Variants in PEX13 observed in about 807,000 individuals in gnomAD.
The protein encoded by PEX13 is peroxisome biogenesis factor 13.
In PEX13, 28 loss-of-function variants were observed where a neutral mutation model predicts 34.5. That is an observed-to-expected ratio of 0.81 (90% CI 0.60 to 1.11). The LOEUF (loss-of-function observed/expected upper bound fraction) is 1.11. Ranked by LOEUF, PEX13 falls within the 50% of genes most tolerant of loss-of-function variation. PEX13 has a pLI of 0.00. For missense variants in PEX13, 550 were observed against 491.0 expected (o/e 1.12, Z -1.13); for synonymous variants, 177 against 175.1 (o/e 1.01, Z -0.09).
At chr2:61,046,130 C>T (rs1024584225) in intron 3 of PEX13, among the ~76,000 whole-genome samples, 5 of 152,116 alleles carry the variant, frequency 3.3e-5, no homozygotes, top group Admixed American at 1.3e-4. Flanking sequence ...TGTTAATCCC[C>T]ACACAAAAAC....
In PEX13 at chr2:61,021,082, C is replaced by T. The variant is rs534570467; in HGVS notation, c.92+3231C>T. ...ATGTGGGAATAGGAACAGCTCTGGT[C>T]TGCAGCTCCCAGCGTGATTGACGCA... On this transcript the variant is annotated intron_variant, in intron 1 of 3. Coordinates refer to ENST00000295030, the MANE Select transcript of PEX13 (RefSeq NM_002618.4). Among the ~76,000 whole-genome samples, 9 of 152,310 alleles carry T rather than the reference C, an allele frequency of 5.9e-5. No individual in the cohort carries two copies. The South Asian group carries it at 6.2e-4, about 11-fold the overall frequency.
intron 1 of PEX13, among the ~76,000 whole-genome samples, chr2:61,026,823 C>G (rs1290693464): frequency 6.6e-6 from 1 of 151,720 alleles, no homozygotes; most frequent in Non-Finnish European, 1.5e-5. Flanking sequence ...GGGTTTTATA[C>G]TTGCTGATTT....
Position 61,032,057 on chromosome 2 carries a change from T to C in PEX13, c.731T>C (p.Leu244Pro). The part of the protein sequence containing the change: ...WPIFLFFAVI[L>P]GGPYLIWKLL... ...ATATTCTTGTTCTTTGCTGTTATCC[T>C]TGGTGGTCCTTACCTCATTTGGAAA... The change falls in exon 2 of 4, where the codon CTT becomes CCT. Residue 244 changes from leucine to proline, a missense_variant. Transcript: ENST00000295030. 1 of 1,613,748 alleles carries C rather than the reference T, an allele frequency of 6.2e-7. No homozygotes were observed. Among genetic ancestry groups the C allele is most frequent in the Non-Finnish European group, 8.5e-7 (1 of 1,179,886 alleles).
chr2:61,023,732 CTTTTTT>C (rs375431867), intron 1 of PEX13, among the ~76,000 whole-genome samples: 3 of 130,204 alleles, frequency 2.3e-5, no homozygotes, highest in Admixed American at 1.5e-4. Context: ...TTCCTGACTT[CTTTTTT>C]TTTTTTTTTT....
chr2:61,043,237 C>A (rs1680654292), intron 2 of PEX13, among the ~76,000 whole-genome samples: 1 of 151,040 alleles, frequency 6.6e-6, no homozygotes, highest in Non-Finnish European at 1.5e-5. Context: ...TGGCTCATGC[C>A]TGTAATCCTG....
intron 1 of PEX13, among the ~76,000 whole-genome samples, chr2:61,019,539 C>A (rs375651540): frequency 1.3e-5 from 2 of 152,028 alleles, no homozygotes; most frequent in African/African-American, 4.8e-5. Context: ...TTTAAATCTT[C>A]CGGTTTTTTC....
chr2:61,020,108 C>A (rs1486056941), intron 1 of PEX13, among the ~76,000 whole-genome samples: 1 of 152,126 alleles, frequency 6.6e-6, no homozygotes, highest in Non-Finnish European at 1.5e-5. Context: ...CACCTGTAGT[C>A]CCAGCTAATC....
intron 3 of PEX13, among the ~76,000 whole-genome samples, chr2:61,047,508 G>A (rs1559046389): frequency 6.6e-6 from 1 of 152,270 alleles, no homozygotes; most frequent in African/African-American, 2.4e-5. Context: ...GATTTCAAAC[G>A]AATGATTTTT....
At chr2:61,042,805 G>C (rs985531517) in intron 2 of PEX13, among the ~76,000 whole-genome samples, 1 of 152,200 alleles carries the variant, frequency 6.6e-6, no homozygotes, top group Non-Finnish European at 1.5e-5. Flanking sequence ...ACTTGTTTAA[G>C]ATTATTAGCT....
At chr2:61,018,325 C>G in intron 1 of PEX13, 1 of 1,534,912 alleles carries the variant, frequency 6.5e-7, no homozygotes, top group Non-Finnish European at 8.8e-7. Context: ...GAACTCAAGC[C>G]CCGTACACTT....
chr2:61,017,772 C>G lies in PEX13; in HGVS notation c.13C>G (p.Pro5Ala). The G allele has an allele frequency of 6.5e-7, 1 of 1,549,516 alleles. No homozygotes were observed. The highest frequency in any genetic ancestry group is 1.2e-5 in the South Asian group (1 of 83,894). ...GGAGGCGGAGGAGATGGCGTCCCAG[C>G]CGCCACCTCCCCCCAAACCCTGGGA... MASQ[P>A]PPPPKPWETR... is the part of the protein sequence containing the mutation. The change falls in exon 1 of 4, where the codon CCG (proline) becomes GCG (alanine). Residue 5 changes from proline to alanine, a missense_variant. Pro to Ala is a conservative substitution (Grantham distance 27). Coordinates refer to ENST00000295030, the MANE Select transcript of PEX13 (RefSeq NM_002618.4).
At chr2:61,037,930 C>G (rs1412613536) in intron 2 of PEX13, among the ~76,000 whole-genome samples, 1 of 152,116 alleles carries the variant, frequency 6.6e-6, no homozygotes, top group Non-Finnish European at 1.5e-5. Context: ...GGTATCACCA[C>G]CCATCCCACA....
intron 2 of PEX13, among the ~76,000 whole-genome samples, chr2:61,041,214 A>C (rs1037923573): frequency 3.9e-5 from 6 of 152,126 alleles, no homozygotes; most frequent in Non-Finnish European, 8.8e-5. Flanking sequence ...CTATAGTCCC[A>C]GTTACTTGGG....
intron 3 of PEX13, 24 bp from the exon 4 acceptor site, chr2:61,048,448 A>G (rs780814053): frequency 1.2e-6 from 2 of 1,605,470 alleles, no homozygotes; most frequent in Admixed American, 3.3e-5. Flanking sequence ...TTGTAATTAC[A>G]AGACTGTCTT....
intron 2 of PEX13, among the ~76,000 whole-genome samples, chr2:61,034,119 T>C (rs1236749181): frequency 6.6e-6 from 1 of 152,052 alleles, no homozygotes; most frequent in Non-Finnish European, 1.5e-5. Flanking sequence ...GCCTCAGCTT[T>C]CTGAGTAGCT....
At chr2:61,043,816 C>T (rs1042778922) in intron 2 of PEX13, among the ~76,000 whole-genome samples, 13 of 152,182 alleles carry the variant, frequency 8.5e-5, no homozygotes, top group African/African-American at 3.1e-4. Context: ...AATGGCAGAA[C>T]AAGGTTTAAG....
At position 61,049,357 on chromosome 2, in the gene PEX13, T is replaced by A. The variant is rs1680759529; in HGVS notation, c.*587T>A. The A allele has an allele frequency of 6.5e-6, 1 of 153,054 alleles. No homozygotes were observed. The highest frequency in any genetic ancestry group is 2.4e-5 in the African/African-American group (1 of 41,460). The allele number at this position is 153,054 out of a possible 1,614,324, so 9.5% of individuals were successfully genotyped here. A position where few individuals can be genotyped will look rare whatever the true frequency, so the allele number is the denominator to read the frequency against. ...AATTTGAAAAGGTCACCCAGAAGCATTCTGAAGGAAATGGTTCTAGAATTA... is the reference window on the plus strand; with the variant it reads ...AATTTGAAAAGGTCACCCAGAAGCAATCTGAAGGAAATGGTTCTAGAATTA... On this transcript the variant is annotated 3_prime_UTR_variant, in exon 4 of 4. Coordinates refer to ENST00000295030, the MANE Select transcript of PEX13 (RefSeq NM_002618.4).
In PEX13 at chr2:61,048,883, A is replaced by C; in HGVS notation, c.*113A>C. On this transcript the variant is annotated 3_prime_UTR_variant, in exon 4 of 4. Coordinates refer to ENST00000295030, the MANE Select transcript of PEX13 (RefSeq NM_002618.4). ...GAAAACATTTGTTATTGGCTATTTC[A>C]GGTGTTTTGCTGCTAGAAATTATTA... 1 of 926,620 alleles carries C rather than the reference A, an allele frequency of 1.1e-6. No homozygotes were observed. Among genetic ancestry groups the C allele is most frequent in the Non-Finnish European group, 1.7e-6 (1 of 594,614 alleles). The allele number at this position is 926,620 out of a possible 1,614,324, so 57.4% of individuals were successfully genotyped here. A position where few individuals can be genotyped will look rare whatever the true frequency, so the allele number is the denominator to read the frequency against.
intron 2 of PEX13, among the ~76,000 whole-genome samples, chr2:61,035,258 A>G (rs574983998): frequency 5.5e-4 from 84 of 152,314 alleles, no homozygotes; most frequent in South Asian, 2.7e-3. Flanking sequence ...AAAACTAACA[A>G]CAGAAAGGAA....
Sources: allele counts gnomAD v4.1 joint callset (sites outside exome capture counted in the v4.1 genomes callset), GRCh38; gene constraint gnomAD v4.1.1; transcripts MANE v1.5; gene names NCBI Gene and HGNC (gene_info 2026-07-23, HGNC 2026-07-21).